The following ARHGAP44 variants were observed in gnomAD, a reference collection of about 807,000 sequenced individuals.
ARHGAP44 encodes the protein Rho GTPase activating protein 44, also known as rho GTPase-activating protein 44.
A neutral mutation model predicts 106.8 loss-of-function variants in ARHGAP44; 43 were observed. That is an observed-to-expected ratio of 0.40 (90% confidence interval 0.32 to 0.52). ARHGAP44 has a LOEUF of 0.52. Ranked by LOEUF, ARHGAP44 falls within the 20% of genes least tolerant of loss-of-function variation. The probability of loss-of-function intolerance (pLI) is 0.48; values close to 1 mark genes in which losing one functional copy is unlikely to be tolerated. For synonymous variants in ARHGAP44, 439 were observed against 410.3 expected (o/e 1.07, Z -0.85); for missense variants, 866 against 1,050.5 (o/e 0.82, Z 2.43).
At chr17:12,936,611 G>A (rs2038557373) in intron 7 of ARHGAP44, among the ~76,000 whole-genome samples, 1 of 152,174 alleles carries the variant, frequency 6.6e-6, no homozygotes, top group African/African-American at 2.4e-5. Flanking sequence ...ACATTTTTGT[G>A]GCTGCCAAGT....
chr17:12,838,594 C>T (rs1398809630), intron 1 of ARHGAP44, among the ~76,000 whole-genome samples: 1 of 152,092 alleles, frequency 6.6e-6, no homozygotes, highest in Non-Finnish European at 1.5e-5. Context: ...CGTTGACTTG[C>T]TGGAAAATTC....
chr17:12,913,387 G>T (rs1459559533), intron 4 of ARHGAP44, among the ~76,000 whole-genome samples: 1 of 152,006 alleles, frequency 6.6e-6, no homozygotes, highest in Non-Finnish European at 1.5e-5. Flanking sequence ...GAACAAATAA[G>T]TGTGCAGGGA....
intron 16 of ARHGAP44, among the ~76,000 whole-genome samples, chr17:12,966,047 T>C (rs2039382354): frequency 6.6e-6 from 1 of 151,512 alleles, no homozygotes; most frequent in Admixed American, 6.6e-5. Flanking sequence ...CCCAGCTTAG[T>C]CAGAAGGCTG....
chr17:12,970,365 C>CAA (rs66577680), intron 16 of ARHGAP44, among the ~76,000 whole-genome samples: 1,564 of 54,558 alleles, frequency 0.029, 34 homozygotes, highest in African/African-American at 0.077. Context: ...GACCCTGTCT[C>CAA]AAAAAAAAAA....
intron 1 of ARHGAP44, among the ~76,000 whole-genome samples, chr17:12,800,434 T>C (rs1465702568): frequency 6.6e-6 from 1 of 152,060 alleles, no homozygotes; most frequent in Non-Finnish European, 1.5e-5. Flanking sequence ...CACTGGCCAG[T>C]GGAGGGTTGG....
At chr17:12,812,552 G>C (rs1187882374) in intron 1 of ARHGAP44, among the ~76,000 whole-genome samples, 1 of 152,186 alleles carries the variant, frequency 6.6e-6, no homozygotes, top group African/African-American at 2.4e-5. Context: ...TCCAAATGCA[G>C]CAATATGCAG....
intron 20 of ARHGAP44, chr17:12,985,168 CTTA>C (rs1002228210): frequency 8.9e-6 from 4 of 448,556 alleles, no homozygotes; most frequent in African/African-American, 8.0e-5. Flanking sequence ...TGTTTTTGCT[CTTA>C]TTATCGGGGG....
At chr17:12,844,899 C>T (rs2035519957) in intron 1 of ARHGAP44, among the ~76,000 whole-genome samples, 1 of 152,010 alleles carries the variant, frequency 6.6e-6, no homozygotes, top group Non-Finnish European at 1.5e-5. Context: ...ATGCTGTTAT[C>T]GGAAGCAGAA....
chr17:12,798,576 A>G (rs1479131236), intron 1 of ARHGAP44, among the ~76,000 whole-genome samples: 1 of 152,170 alleles, frequency 6.6e-6, no homozygotes, highest in Admixed American at 6.5e-5. Context: ...AGATTTTCTA[A>G]TATTGAGCTC....
In ARHGAP44 at chr17:12,913,968, C is replaced by CAAAAAAAAA. The variant is rs58231055; in HGVS notation, c.276-1918_276-1910dup. Among the ~76,000 whole-genome samples the CAAAAAAAAA allele has an allele frequency of 6.3e-5, 4 of 63,460 alleles. 1 individual carries two copies. Among genetic ancestry groups the CAAAAAAAAA allele is most frequent in the Admixed American group, 5.0e-4 (2 of 3,996 alleles). The allele number at this position is 63,460 out of a possible 152,430, so 41.6% of individuals were successfully genotyped here. A position where few individuals can be genotyped will look rare whatever the true frequency, so the allele number is the denominator to read the frequency against. ...TGGGTGATAGAGTGAGATTTTGTCT[C>CAAAAAAAAA]AAAAAAAAAAAAAAAAAAAAAAGGC... is the stretch of plus-strand genomic sequence containing the variant. On this transcript the variant is annotated intron_variant, in intron 4 of 20. Transcript: ENST00000379672.
intron 3 of ARHGAP44, among the ~76,000 whole-genome samples, chr17:12,899,446 T>G (rs1420328701): frequency 6.6e-6 from 1 of 152,206 alleles, no homozygotes; most frequent in Non-Finnish European, 1.5e-5. Flanking sequence ...AGTTTTTCTC[T>G]GAACACATTA....
chr17:12,834,503 C>G (rs1325256883), intron 1 of ARHGAP44, among the ~76,000 whole-genome samples: 1 of 152,148 alleles, frequency 6.6e-6, no homozygotes, highest in Non-Finnish European at 1.5e-5. Flanking sequence ...GACCCTGTCT[C>G]AAAGAAGAAA....
rs185456570 is a variant in ARHGAP44 at position 12,809,408 on chromosome 17, C to T, written c.53+19517C>T. ...CACAGTTCCACATGACTGGGGAGGC[C>T]TCACAATCATTGTGGAAGGTAAAGG... On this transcript the variant is annotated intron_variant, in intron 1 of 20. Coordinates refer to ENST00000379672, the MANE Select transcript of ARHGAP44 (RefSeq NM_014859.6). 4.2e-3 allele frequency among the ~76,000 whole-genome samples: 636 copies of T among 152,274 alleles called. 2 individuals are homozygous for T. Among genetic ancestry groups the T allele is most frequent in the Non-Finnish European group, 6.6e-3 (449 of 68,026 alleles).
chr17:12,896,275 C>CAA (rs139465622), intron 2 of ARHGAP44, 132 bp from the exon 3 acceptor site: 2 of 708,008 alleles, frequency 2.8e-6, no homozygotes, highest in Non-Finnish European at 4.6e-6. Flanking sequence ...AACAAACAAA[C>CAA]AAAAAAACAA....
At chr17:12,802,753 C>CTT (rs869172678) in intron 1 of ARHGAP44, among the ~76,000 whole-genome samples, 90 of 108,696 alleles carry the variant, frequency 8.3e-4, no homozygotes, top group Non-Finnish European at 1.0e-3. Context: ...TTTTTTATTT[C>CTT]TTTTTTTTTT....
chr17:12,983,580 G>A (rs1418149262), intron 19 of ARHGAP44, among the ~76,000 whole-genome samples: 5 of 152,148 alleles, frequency 3.3e-5, no homozygotes, highest in African/African-American at 9.6e-5. Context: ...CGAGGCGGGC[G>A]GATCACCTGA....
chr17:12,896,147 A>C (rs2037196868), intron 2 of ARHGAP44, among the ~76,000 whole-genome samples: 1 of 151,218 alleles, frequency 6.6e-6, no homozygotes, highest in African/African-American at 2.4e-5. Flanking sequence ...ATTAGGAGAT[A>C]TATCTAATGT....
At chr17:12,933,849 CTTT>C (rs11303147) in intron 7 of ARHGAP44, among the ~76,000 whole-genome samples, 8 of 131,532 alleles carry the variant, frequency 6.1e-5, no homozygotes, top group Admixed American at 7.8e-5. Flanking sequence ...CACATAAATT[CTTT>C]TTTTTTTTTT....
At chr17:12,858,489 G>GT (rs1179439974) in intron 1 of ARHGAP44, among the ~76,000 whole-genome samples, 1 of 152,176 alleles carries the variant, frequency 6.6e-6, no homozygotes, top group East Asian at 1.9e-4. Flanking sequence ...TTTTCAAAAA[G>GT]TTTAAGTCCA....
Sources: gnomAD v4.1 joint callset for allele counts (sites outside exome capture counted in the v4.1 genomes callset) on GRCh38, gnomAD v4.1.1 for gene constraint, MANE v1.5 for transcripts, NCBI Gene and HGNC (gene_info 2026-07-23, HGNC 2026-07-21) for gene names.